The following COP1 variants were observed in gnomAD, a reference collection of about 807,000 sequenced individuals.
COP1 encodes E3 ubiquitin-protein ligase COP1.
A neutral mutation model predicts 101.3 loss-of-function variants in COP1; 24 were observed. The observed-to-expected ratio is 0.24, with a 90% CI of 0.17 to 0.33. COP1 has a LOEUF of 0.33. COP1 is among the 10% of genes least tolerant of loss of function. The pLI is 1.00. For missense variants in COP1, 663 were observed against 906.2 expected (o/e 0.73, Z 3.45); for synonymous variants, 347 against 341.9 (o/e 1.01, Z -0.17).
At chr1:175,946,792 G>T (rs776699127) in intron 19 of COP1, among the ~76,000 whole-genome samples, 1 of 152,178 alleles carries the variant, frequency 6.6e-6, no homozygotes, top group East Asian at 1.9e-4. Context: ...ATATGACCAA[G>T]ATATGTTTAA....
intron 18 of COP1, among the ~76,000 whole-genome samples, chr1:175,973,828 AC>A (rs1653854745): frequency 6.6e-6 from 1 of 152,208 alleles, no homozygotes; most frequent in Non-Finnish European, 1.5e-5. Context: ...ATCATATGTA[AC>A]AAACAGAAGT....
At chr1:176,087,369 G>A (rs981844621) in intron 9 of COP1, among the ~76,000 whole-genome samples, 8 of 152,090 alleles carry the variant, frequency 5.3e-5, no homozygotes, top group African/African-American at 9.7e-5. Flanking sequence ...TCTGACAAAC[G>A]GCTAAAATCT....
chr1:176,081,804 A>C (rs940711087), intron 10 of COP1, among the ~76,000 whole-genome samples: 7 of 152,180 alleles, frequency 4.6e-5, no homozygotes, highest in Admixed American at 4.6e-4. Context: ...CTATTACAGG[A>C]AGACAGTAGA....
In COP1 at chr1:175,982,328, T is replaced by A. The variant is rs1207777842; in HGVS notation, c.2133+4615A>T. 34 of 456,122 alleles carry A rather than the reference T, an allele frequency of 7.5e-5. 1 individual carries two copies. The Admixed American group carries it at 7.8e-4, about 10-fold the overall frequency. 28.3% of individuals were successfully genotyped at this position (456,122 alleles called of 1,614,324 possible). A position where few individuals can be genotyped will look rare whatever the true frequency, so the allele number is the denominator to read the frequency against. ...TGGATAAGAAAACATGGTATACAGC[T>A]GACCCTTGGAAAACACAGGTTTGAA... On this transcript the variant is annotated intron_variant, in intron 18 of 19. Coordinates refer to ENST00000367669, the MANE Select transcript of COP1 (RefSeq NM_022457.7).
chr1:175,998,014 T>G (rs1441764121), intron 15 of COP1, among the ~76,000 whole-genome samples: 1 of 137,860 alleles, frequency 7.3e-6, no homozygotes. Flanking sequence ...AGTCCATATG[T>G]AACTAACCTG....
intron 18 of COP1, among the ~76,000 whole-genome samples, chr1:175,984,618 G>A (rs546483635): frequency 6.6e-6 from 1 of 152,266 alleles, no homozygotes; most frequent in Non-Finnish European, 1.5e-5. Flanking sequence ...CAAAATGGTA[G>A]ATCCACTGAC....
intron 11 of COP1, among the ~76,000 whole-genome samples, chr1:176,070,944 T>A (rs1002580875): frequency 3.3e-5 from 5 of 152,210 alleles, no homozygotes; most frequent in South Asian, 2.1e-4. Flanking sequence ...TGAGCTCCCA[T>A]GTGCAACCAC....
chr1:176,109,239 A>T, intron 9 of COP1, among the ~76,000 whole-genome samples: 1 of 152,146 alleles, frequency 6.6e-6, no homozygotes, highest in African/African-American at 2.4e-5. Context: ...GCTTTCTTAT[A>T]TGTAGGGTAG....
intron 9 of COP1, among the ~76,000 whole-genome samples, chr1:176,088,787 G>A (rs1680699486): frequency 1.3e-5 from 2 of 151,174 alleles, no homozygotes; most frequent in South Asian, 4.2e-4. Context: ...CCTGAGGTCG[G>A]CAGTTCAAGA....
At chr1:175,972,513 G>A (rs138949679) in intron 18 of COP1, among the ~76,000 whole-genome samples, 1 of 145,476 alleles carries the variant, frequency 6.9e-6, no homozygotes, top group East Asian at 2.0e-4. Context: ...TTGCCAGAAT[G>A]GAGTGCAGTG....
intron 11 of COP1, among the ~76,000 whole-genome samples, chr1:176,059,520 T>C (rs1358662406): frequency 6.6e-6 from 1 of 152,158 alleles, no homozygotes; most frequent in Admixed American, 6.6e-5. Flanking sequence ...TCTCACTCTG[T>C]TGCCCAGGCT....
chr1:175,988,591 G>C (rs1657676234), intron 16 of COP1, 179 bp from the exon 17 acceptor site: 1 of 497,252 alleles, frequency 2.0e-6, no homozygotes, highest in East Asian at 3.2e-5. Context: ...CAAGCAATTT[G>C]GTAGGCCGAG....
At chr1:176,120,705 T>C (rs1342997662) in intron 8 of COP1, among the ~76,000 whole-genome samples, 1 of 152,194 alleles carries the variant, frequency 6.6e-6, no homozygotes, top group Non-Finnish European at 1.5e-5. Context: ...CAAAGACGTA[T>C]TTCCTAACTA....
At chr1:176,076,142 A>G (rs535285912) in intron 11 of COP1, among the ~76,000 whole-genome samples, 1 of 152,160 alleles carries the variant, frequency 6.6e-6, no homozygotes, top group East Asian at 1.9e-4. Flanking sequence ...GACACAGAGT[A>G]CTACACCCAA....
chr1:176,194,990 G>A (rs1435238082), intron 1 of COP1, among the ~76,000 whole-genome samples: 2 of 152,006 alleles, frequency 1.3e-5, no homozygotes. Flanking sequence ...AGGAGGCTGA[G>A]GTGGGAGGAC....
At chr1:176,158,105 A>C (rs1378097385) in intron 5 of COP1, among the ~76,000 whole-genome samples, 1 of 152,108 alleles carries the variant, frequency 6.6e-6, no homozygotes, top group Non-Finnish European at 1.5e-5. Context: ...GGAAAAAAAA[A>C]ACCTCTACTG....
chr1:176,048,606 G>A (rs971001470), intron 11 of COP1, among the ~76,000 whole-genome samples: 1 of 152,104 alleles, frequency 6.6e-6, no homozygotes, highest in African/African-American at 2.4e-5. Flanking sequence ...TCTGGTAAAG[G>A]ACAGAGTTAT....
At chr1:176,169,293 G>A (rs567573419) in intron 3 of COP1, among the ~76,000 whole-genome samples, 2 of 152,284 alleles carry the variant, frequency 1.3e-5, no homozygotes, top group East Asian at 1.9e-4. Context: ...AGAATTTTAT[G>A]TCTAAGACTT....
chr1:175,989,212 T>G, intron 16 of COP1, 150 bp downstream of exon 16: 1 of 488,652 alleles, frequency 2.0e-6, no homozygotes, highest in Non-Finnish European at 3.7e-6. Context: ...CTACTTTAAT[T>G]GGACAAGATT....
Sources: allele counts gnomAD v4.1 joint callset (sites outside exome capture counted in the v4.1 genomes callset), GRCh38; gene constraint gnomAD v4.1.1; transcripts MANE v1.5; gene names NCBI Gene and HGNC (gene_info 2026-07-23, HGNC 2026-07-21).